NALF1: variants seen among roughly 807,000 people sequenced by gnomAD.
The protein encoded by NALF1 is NALCN channel auxiliary factor 1.
In NALF1, 3 loss-of-function variants were observed where a neutral mutation model predicts 48.4. The ratio of observed to expected loss-of-function variants is 0.06; its 90% CI spans 0.03 to 0.16. The LOEUF is 0.16. Among genes scored for constraint, NALF1 ranks in the 10% least tolerant of loss-of-function variants. NALF1 has a pLI of 1.00. For synonymous variants in NALF1, 262 were observed against 245.7 expected (o/e 1.07, Z -0.62); for missense variants, 526 against 571.5 (o/e 0.92, Z 0.81).
intron 1 of NALF1, among the ~76,000 whole-genome samples, chr13:107,429,475 A>G (rs758254445): frequency 6.6e-6 from 1 of 152,210 alleles, no homozygotes; most frequent in Non-Finnish European, 1.5e-5. Context: ...CTGCTAAGAT[A>G]CTGTTTAGAT....
At chr13:107,444,062 T>C (rs1307974265) in intron 1 of NALF1, among the ~76,000 whole-genome samples, 2 of 152,110 alleles carry the variant, frequency 1.3e-5, no homozygotes, top group Non-Finnish European at 2.9e-5. Context: ...AAGACAAAAA[T>C]TGATAATAAA....
chr13:107,797,343 A>C (rs1370625645), intron 1 of NALF1, among the ~76,000 whole-genome samples: 1 of 151,826 alleles, frequency 6.6e-6, no homozygotes, highest in Non-Finnish European at 1.5e-5. Context: ...GTAACTGGGA[A>C]TACAGGCGCC....
intron 1 of NALF1, among the ~76,000 whole-genome samples, chr13:107,700,260 A>G (rs1881788401): frequency 6.6e-6 from 1 of 152,076 alleles, no homozygotes; most frequent in Non-Finnish European, 1.5e-5. Context: ...ATTGTATTAC[A>G]AAGTTACAGT....
chr13:107,781,644 C>T (rs1285107717), intron 1 of NALF1, among the ~76,000 whole-genome samples: 1 of 151,420 alleles, frequency 6.6e-6, no homozygotes, highest in East Asian at 1.9e-4. Context: ...CAAAGATGTG[C>T]CAGCTTACTA....
chr13:107,316,498 G>T (rs1038921738), intron 1 of NALF1, among the ~76,000 whole-genome samples: 2 of 152,140 alleles, frequency 1.3e-5, no homozygotes, highest in Non-Finnish European at 2.9e-5. Context: ...GGTTGAACTA[G>T]TTTACAGTCC....
At chr13:107,617,776 C>T (rs990980631) in intron 1 of NALF1, among the ~76,000 whole-genome samples, 2 of 152,006 alleles carry the variant, frequency 1.3e-5, no homozygotes, top group African/African-American at 4.8e-5. Flanking sequence ...TTTTTTTCTC[C>T]TCCATGTTTC....
chr13:107,708,412 T>C (rs781000868), intron 1 of NALF1, among the ~76,000 whole-genome samples: 21 of 152,162 alleles, frequency 1.4e-4, no homozygotes, highest in Non-Finnish European at 2.9e-4. Flanking sequence ...AGGTGCCACA[T>C]AAGGTGCTAA....
intron 1 of NALF1, among the ~76,000 whole-genome samples, chr13:107,635,173 A>G (rs1879941263): frequency 6.6e-6 from 1 of 152,082 alleles, no homozygotes; most frequent in South Asian, 2.1e-4. Context: ...AGGTATTGAT[A>G]TTTACTATAT....
intron 1 of NALF1, among the ~76,000 whole-genome samples, chr13:107,526,237 T>C (rs117279497): frequency 0.036 from 5,509 of 152,192 alleles, 169 homozygotes; most frequent in African/African-American, 0.085. Context: ...TTCAGATAAA[T>C]GGGAGTACGA....
At chr13:107,819,918 G>A (rs1879315562) in intron 1 of NALF1, among the ~76,000 whole-genome samples, 4 of 152,074 alleles carry the variant, frequency 2.6e-5, no homozygotes, top group Admixed American at 2.6e-4. Context: ...TCATAAAGTT[G>A]TCTAAATTGG....
chr13:107,506,717 T>C (rs1875707493), intron 1 of NALF1, among the ~76,000 whole-genome samples: 1 of 152,128 alleles, frequency 6.6e-6, no homozygotes, highest in African/African-American at 2.4e-5. Flanking sequence ...TCAGAATTCA[T>C]TTTTTCTCTG....
intron 1 of NALF1, among the ~76,000 whole-genome samples, chr13:107,220,570 A>T (rs1317169206): frequency 6.6e-6 from 1 of 152,174 alleles, no homozygotes; most frequent in Non-Finnish European, 1.5e-5. Flanking sequence ...TTTCACTGAG[A>T]GCCAACTTTG....
Position 107,630,168 on chromosome 13 carries a change from A to C in NALF1, c.915+235514T>G, listed in dbSNP as rs1340273602. On this transcript the variant is annotated intron_variant, in intron 1 of 2. Coordinates refer to ENST00000375915, the MANE Select transcript of NALF1 (RefSeq NM_001080396.3). The stretch of plus-strand genomic sequence containing the variant: ...CGCCAAGGTCTGATTTTTCATAAAA[A>C]ATTTGCAACCTCTGACATAAATGGG... 4.8e-5 allele frequency among the ~76,000 whole-genome samples: 6 copies of C among 126,008 alleles called. No individual in the cohort carries two copies. In the Admixed American group the frequency reaches 5.7e-4, roughly 12 times the overall value. The allele number at this position is 126,008 out of a possible 152,430, so 82.7% of individuals were successfully genotyped here.
chr13:107,338,980 A>G (rs993193095), intron 1 of NALF1, among the ~76,000 whole-genome samples: 3 of 151,878 alleles, frequency 2.0e-5, no homozygotes, highest in Admixed American at 2.0e-4. Flanking sequence ...AAAATACAAA[A>G]AAAATTAGCC....
chr13:107,638,201 A>ATATAAATATATATATGTATG (rs1880040907), intron 1 of NALF1, among the ~76,000 whole-genome samples: 1 of 110,832 alleles, frequency 9.0e-6, no homozygotes, highest in Non-Finnish European at 1.9e-5. Context: ...ATATATATAT[A>ATATAAATATATATATGTATG]TATATAATTT....
intron 1 of NALF1, among the ~76,000 whole-genome samples, chr13:107,836,282 T>C (rs1879886905): frequency 6.6e-6 from 1 of 152,200 alleles, no homozygotes; most frequent in African/African-American, 2.4e-5. Flanking sequence ...TGAGCCACCA[T>C]GCCTGGCCTA....
chr13:107,283,991 T>C (rs1881441594), intron 1 of NALF1, among the ~76,000 whole-genome samples: 1 of 152,108 alleles, frequency 6.6e-6, no homozygotes, highest in African/African-American at 2.4e-5. Context: ...TTGTTTTGCC[T>C]GACAGATAAA....
chr13:107,761,710 A>G (rs529786084), intron 1 of NALF1, among the ~76,000 whole-genome samples: 1 of 152,344 alleles, frequency 6.6e-6, no homozygotes, highest in Admixed American at 6.5e-5. Flanking sequence ...CTCATTATAA[A>G]TAAGGAAGTG....
chr13:107,245,451 G>A (rs1880562360), intron 1 of NALF1, among the ~76,000 whole-genome samples: 1 of 152,254 alleles, frequency 6.6e-6, no homozygotes, highest in African/African-American at 2.4e-5. Flanking sequence ...ATCTGGCTCA[G>A]CCTCTTATCT....
Sources: gnomAD v4.1 joint callset for allele counts (sites outside exome capture counted in the v4.1 genomes callset) on GRCh38, gnomAD v4.1.1 for gene constraint, MANE v1.5 for transcripts, NCBI Gene and HGNC (gene_info 2026-07-23, HGNC 2026-07-21) for gene names.